WDR49: variants seen among roughly 807,000 people sequenced by gnomAD.
The protein encoded by WDR49 is cilia- and flagella-associated protein 337.
In WDR49, 107 loss-of-function variants were observed where a neutral mutation model predicts 119.5. The ratio of observed to expected loss-of-function variants is 0.90; its 90% confidence interval spans 0.77 to 1.05. The LOEUF (loss-of-function observed/expected upper bound fraction) is 1.05, where lower values mean the gene tolerates loss of function less well. Among genes scored for constraint, WDR49 ranks in the 50% least tolerant of loss-of-function variants. WDR49 has a pLI of 0.00. For missense variants in WDR49, 1,240 were observed against 1,220.5 expected (o/e 1.02, Z -0.24); for synonymous variants, 425 against 418.8 (o/e 1.01, Z -0.18).
At chr3:167,641,398 G>C (rs115890490) in intron 2 of WDR49, among the ~76,000 whole-genome samples, 62 of 152,000 alleles carry the variant, frequency 4.1e-4, no homozygotes, top group Non-Finnish European at 8.3e-4. Flanking sequence ...AGAAAGATAA[G>C]ATGAAGATAA....
At chr3:167,512,985 C>T (rs932278401) in intron 16 of WDR49, among the ~76,000 whole-genome samples, 2 of 152,056 alleles carry the variant, frequency 1.3e-5, no homozygotes, top group African/African-American at 4.8e-5. Context: ...GATTGGGGTA[C>T]CTGCAAGAGA....
intron 7 of WDR49, among the ~76,000 whole-genome samples, chr3:167,590,208 T>C (rs1715036460): frequency 6.6e-6 from 1 of 152,172 alleles, no homozygotes; most frequent in Admixed American, 6.6e-5. Context: ...TCAAATTGAT[T>C]GATTTGCATA....
chr3:167,571,495 T>C (rs1021274697), intron 8 of WDR49, among the ~76,000 whole-genome samples: 2 of 152,178 alleles, frequency 1.3e-5, no homozygotes, highest in Non-Finnish European at 2.9e-5. Context: ...TATAAATGTA[T>C]TTATCTACAA....
rs1041463948 is a variant in WDR49, at chr3:167,478,877, A to G, written c.*1T>C. On this transcript the variant is annotated 3_prime_UTR_variant, in exon 19 of 19. Coordinates refer to ENST00000682715, the MANE Select transcript of WDR49 (RefSeq NM_001366157.1). The stretch of plus-strand genomic sequence containing the variant: ...TAACAGTGAAGGTTTTTCTGTTGTA[A>G]TTACTTCTTATTTTTCTTCACTTCA... 8 of 1,593,474 alleles carry G rather than the reference A, an allele frequency of 5.0e-6. No individual in the cohort carries two copies. The African/African-American group carries it at 9.5e-5, about 19-fold the overall frequency.
At chr3:167,558,626 T>C (rs1272876040) in intron 9 of WDR49, among the ~76,000 whole-genome samples, 4 of 152,188 alleles carry the variant, frequency 2.6e-5, no homozygotes, top group Non-Finnish European at 5.9e-5. Flanking sequence ...TGTCGCTATG[T>C]TTTCCTCTAA....
intron 8 of WDR49, among the ~76,000 whole-genome samples, chr3:167,563,705 A>T (rs1435081937): frequency 6.6e-6 from 1 of 152,232 alleles, no homozygotes; most frequent in Non-Finnish European, 1.5e-5. Flanking sequence ...CAAACAGGGT[A>T]ATTAGCATAT....
At chr3:167,622,747 T>C (rs1285589596) in intron 3 of WDR49, among the ~76,000 whole-genome samples, 1 of 151,970 alleles carries the variant, frequency 6.6e-6, no homozygotes, top group Non-Finnish European at 1.5e-5. Flanking sequence ...AACACTCCAG[T>C]CCAACGTCAG....
At chr3:167,585,439 C>T (rs1238666998) in intron 7 of WDR49, among the ~76,000 whole-genome samples, 1 of 149,286 alleles carries the variant, frequency 6.7e-6, no homozygotes, top group Non-Finnish European at 1.5e-5. Context: ...TGTGTCATGG[C>T]TAACAAAGAT....
At chr3:167,594,808 A>G (rs375784168) in intron 7 of WDR49, among the ~76,000 whole-genome samples, 2 of 150,268 alleles carry the variant, frequency 1.3e-5, no homozygotes, top group Non-Finnish European at 3.0e-5. Context: ...AAACTGGCAC[A>G]AGACAGGGAT....
intron 2 of WDR49, among the ~76,000 whole-genome samples, chr3:167,633,003 T>C (rs78253696): frequency 0.017 from 2,526 of 152,176 alleles, 58 homozygotes; most frequent in East Asian, 0.097. Flanking sequence ...ATGTCAATGC[T>C]TTGCTGAAGG....
At chr3:167,524,704 T>C (rs1048582815) in intron 15 of WDR49, among the ~76,000 whole-genome samples, 3 of 152,192 alleles carry the variant, frequency 2.0e-5, no homozygotes, top group Non-Finnish European at 4.4e-5. Context: ...TTGTCAAAGA[T>C]CAGATGGTTG....
chr3:167,517,436 A>T (rs1234376545), intron 16 of WDR49, among the ~76,000 whole-genome samples: 4 of 152,186 alleles, frequency 2.6e-5, no homozygotes, highest in African/African-American at 9.6e-5. Flanking sequence ...TTCCCTATTT[A>T]ATAAATGGTG....
intron 17 of WDR49, among the ~76,000 whole-genome samples, chr3:167,503,516 C>T (rs958006358): frequency 2.6e-5 from 4 of 152,180 alleles, no homozygotes; most frequent in Admixed American, 6.5e-5. Flanking sequence ...AGCCGTGGGT[C>T]ATGGAAGAGA....
intron 7 of WDR49, among the ~76,000 whole-genome samples, chr3:167,592,711 G>A (rs1390060748): frequency 6.6e-6 from 1 of 152,152 alleles, no homozygotes; most frequent in East Asian, 1.9e-4. Flanking sequence ...GGGATTACAG[G>A]CATGAGCGAC....
At chr3:167,544,443 G>C (rs1271873196) in intron 10 of WDR49, among the ~76,000 whole-genome samples, 2 of 151,490 alleles carry the variant, frequency 1.3e-5, no homozygotes, top group Non-Finnish European at 3.0e-5. Context: ...ACCAAAACAG[G>C]ATGTTACATA....
chr3:167,580,064 T>A (rs1714456986), intron 7 of WDR49, among the ~76,000 whole-genome samples: 1 of 152,184 alleles, frequency 6.6e-6, no homozygotes, highest in Non-Finnish European at 1.5e-5. Context: ...ATAAATTATA[T>A]GATAAATTAA....
intron 7 of WDR49, among the ~76,000 whole-genome samples, chr3:167,591,944 T>C (rs951279352): frequency 6.6e-6 from 1 of 152,172 alleles, no homozygotes; most frequent in Admixed American, 6.6e-5. Context: ...TTATTTGTTT[T>C]CTGGTTGTCT....
chr3:167,564,210 T>C (rs1372585732), intron 8 of WDR49, among the ~76,000 whole-genome samples: 1 of 152,204 alleles, frequency 6.6e-6, no homozygotes, highest in Non-Finnish European at 1.5e-5. Context: ...CAACAGCATA[T>C]AGCTAGTCTG....
At chr3:167,496,038 G>A (rs1390812726) in intron 18 of WDR49, among the ~76,000 whole-genome samples, 3 of 151,956 alleles carry the variant, frequency 2.0e-5, no homozygotes, top group Non-Finnish European at 4.4e-5. Context: ...CATATTTTAA[G>A]AAATTCTGTA....
Sources: gnomAD v4.1 joint callset for allele counts (sites outside exome capture counted in the v4.1 genomes callset) on GRCh38, gnomAD v4.1.1 for gene constraint, MANE v1.5 for transcripts, NCBI Gene and HGNC (gene_info 2026-07-23, HGNC 2026-07-21) for gene names.